SFXN3: variants seen among roughly 807,000 people sequenced by gnomAD.
SFXN3 encodes sideroflexin 3.
A neutral mutation model predicts 40.4 loss-of-function variants in SFXN3; 31 were observed. That is an observed-to-expected ratio of 0.77 (90% confidence interval 0.58 to 1.04). The LOEUF (loss-of-function observed/expected upper bound fraction) is 1.04, where lower values mean the gene tolerates loss of function less well. Among genes scored for constraint, SFXN3 ranks in the 50% least tolerant of loss-of-function variants. The pLI is 0.00. For missense variants in SFXN3, 366 were observed against 408.2 expected (o/e 0.90, Z 0.89); for synonymous variants, 157 against 160.0 (o/e 0.98, Z 0.14).
chr10:101,037,661 G>A, intron 9 of SFXN3: 7 of 1,428,936 alleles, frequency 4.9e-6, no homozygotes, highest in South Asian at 1.5e-5. Flanking sequence ...AACTTCATCA[G>A]TGTTACTCCA....
Position 101,035,618 on chromosome 10 carries a change from C to T in SFXN3, c.283C>T (p.Gln95Ter). Residue 95 changes from glutamine (Q) to a stop codon, truncating the protein, a stop_gained, in exon 4 of 12, where the codon CAG (glutamine) becomes TAG (stop). Coordinates refer to ENST00000393459, the Ensembl canonical transcript of SFXN3. LOFTEE classifies it high-confidence loss of function. Reference sequence around the variant, plus strand: ...GGTCCTGATTGGCCGCATGTCAGCCCAGGTGCCCATGAACATGACCATCAC... The same window carrying T: ...GGTCCTGATTGGCCGCATGTCAGCCTAGGTGCCCATGAACATGACCATCAC... The T allele has an allele frequency of 6.2e-7, 1 of 1,614,036 alleles. No individual in the cohort carries two copies. Among genetic ancestry groups the T allele is most frequent in the Non-Finnish European group, 8.5e-7 (1 of 1,179,934 alleles).
At chr10:101,040,178 A>C (rs1304140647) in exon 12 of SFXN3, 1 of 157,040 alleles carries the variant, frequency 6.4e-6, no homozygotes, top group African/African-American at 2.4e-5. Flanking sequence ...GGACTTATGC[A>C]TCCCTCAGTG....
At chr10:101,038,489 G>A (rs926212442) in intron 9 of SFXN3, 154 bp from the exon 10 acceptor site, 73 of 1,500,090 alleles carry the variant, frequency 4.9e-5, no homozygotes, top group Non-Finnish European at 6.2e-5. Flanking sequence ...TGATCTGGAG[G>A]TCCCAGCCCT....
At chr10:101,037,859 T>C in intron 9 of SFXN3, 3 of 1,063,286 alleles carry the variant, frequency 2.8e-6, no homozygotes, top group Non-Finnish European at 3.4e-6. Context: ...TATTCACAAA[T>C]GTATTGAGTG....
In SFXN3 at chr10:101,039,271, A is replaced by T. The variant is rs1287398881; in HGVS notation, c.869+49A>T. The stretch of plus-strand genomic sequence containing the variant: ...TGGGGGACTCTGGATTGGACTCTGC[A>T]TCTCTGGACCAGCTGACCTAGGGTC... On this transcript the variant is annotated intron_variant, in intron 11 of 11. Transcript: ENST00000393459. This position sits in a 1 kb window ranked among gnomAD's most constrained non-coding sequence, Gnocchi z 4.6. 1.3e-6 allele frequency: 2 copies of T among 1,529,596 alleles called. No individual in the cohort carries two copies. The highest frequency in any genetic ancestry group is 2.2e-5 in the East Asian group (1 of 44,564). 94.8% of individuals were successfully genotyped at this position (1,529,596 alleles called of 1,614,324 possible). A position where few individuals can be genotyped will look rare whatever the true frequency, so the allele number is the denominator to read the frequency against.
chr10:101,036,819 C>G lies in SFXN3; in HGVS notation c.593+11C>G. ...CCTGATGAGGCAGAGGTGAGTGACC[C>G]CGGCTCCTGGCATGTGCATGCCCAG... On this transcript the variant is annotated intron_variant, in intron 7 of 11. Coordinates refer to ENST00000393459, the Ensembl canonical transcript of SFXN3. The surrounding 1 kb of genome is among the most constrained non-coding windows in gnomAD (Gnocchi z 4.2). 6.2e-7 allele frequency: 1 copy of G among 1,612,290 alleles called. No individual in the cohort carries two copies. Among genetic ancestry groups the G allele is most frequent in the South Asian group, 1.1e-5 (1 of 91,006 alleles).
exon 9 of SFXN3, chr10:101,037,414 A>C: frequency 6.2e-7 from 1 of 1,614,090 alleles, no homozygotes; most frequent in Non-Finnish European, 8.5e-7. Flanking sequence ...CACTCTGGAG[A>C]AGAAAGACTT....
At chr10:101,032,752 T>A (rs935732059) in intron 2 of SFXN3, among the ~76,000 whole-genome samples, 1 of 152,186 alleles carries the variant, frequency 6.6e-6, no homozygotes, top group African/African-American at 2.4e-5. Context: ...TCTGTATGTC[T>A]GGGCAGGGTG....
Position 101,036,088 on chromosome 10 carries a change from C to A in SFXN3, c.418C>A (p.Pro140Thr), listed in dbSNP as rs1564649524. The A allele has an allele frequency of 6.2e-7, 1 of 1,613,236 alleles. No individual in the cohort carries two copies. Among genetic ancestry groups the A allele is most frequent in the Non-Finnish European group, 8.5e-7 (1 of 1,179,344 alleles). The change falls in exon 5 of 12, where the codon CCC (proline) becomes ACC (threonine). Residue 140 changes from proline to threonine, a missense_variant. By Grantham distance (38) the Pro-to-Thr change is conservative. Transcript: ENST00000393459. The surrounding 1 kb of genome is among the most constrained non-coding windows in gnomAD (Gnocchi z 4.2). ...CTACTCCAACCGCAGTGGTGACACT[C>A]CCATCACTGTGAGGTGAGAGCCAGC... is the stretch of plus-strand genomic sequence containing the variant.
exon 4 of SFXN3, chr10:101,035,500 C>T (rs766875472): frequency 3.7e-5 from 59 of 1,600,756 alleles, no homozygotes; most frequent in Middle Eastern, 2.0e-4. Flanking sequence ...TCTGCAGGGC[C>T]GGCGTGGTGA....
Position 101,036,741 on chromosome 10 carries a change from G to A in SFXN3, c.526G>A (p.Gly176Ser), listed in dbSNP as rs367635702. The A allele has an allele frequency of 1.6e-5, 25 of 1,611,718 alleles. No homozygotes were observed. In the East Asian group the frequency reaches 2.2e-4, roughly 14 times the overall value. Residue 176 changes from glycine to serine, a missense_variant, in exon 7 of 12, where the codon GGC becomes AGC. Gly to Ser is a moderately conservative substitution (Grantham distance 56, BLOSUM62 0). Transcript: ENST00000393459. This position sits in a 1 kb window ranked among gnomAD's most constrained non-coding sequence, Gnocchi z 4.2. The stretch of plus-strand genomic sequence containing the variant: ...TCCCCAGCACCTGCCCCCCTTGGTC[G>A]GCAGATTTGTGCCCTTTGCAGCAGT...
rs531608783 is a variant in SFXN3, at chr10:101,038,623, GTCTT to G, written c.772-16_772-13del. 63 of 1,613,938 alleles carry G rather than the reference GTCTT, an allele frequency of 3.9e-5. No homozygotes were observed. Among genetic ancestry groups the G allele is most frequent in the Non-Finnish European group, 4.8e-5 (57 of 1,180,006 alleles). On this transcript the variant is annotated splice_polypyrimidine_tract_variant and intron_variant, in intron 9 of 11. Coordinates refer to ENST00000393459, the Ensembl canonical transcript of SFXN3. ...GGCAGGGGACACAAGCCGTTCCATT[GTCTT>G]TCTGTCTCTCCACAGCGCCGCCCCT... is the stretch of plus-strand genomic sequence containing the variant.
exon 12 of SFXN3, chr10:101,040,751 T>C (rs1938860958): frequency 6.6e-6 from 1 of 152,104 alleles, no homozygotes; most frequent in African/African-American, 2.4e-5. Context: ...TCTTGCTAGT[T>C]TTGTATTTTT....
In SFXN3 at chr10:101,037,146, A is replaced by G. The variant is rs200728595; in HGVS notation, c.664A>G (p.Lys222Glu). ...GCTTGGCTACTCGGTGACTGCAGCCAAGCAGGGAATCTTCCAGGTGGTGAT... is the reference window on the plus strand; with the variant it reads ...GCTTGGCTACTCGGTGACTGCAGCCGAGCAGGGAATCTTCCAGGTGGTGAT... The change falls in exon 8 of 12, where the codon AAG becomes GAG. Residue 222 changes from lysine (K) to glutamate (E), a missense_variant. Lys to Glu is a moderately conservative substitution (Grantham distance 56). Transcript: ENST00000393459. 2.0e-5 allele frequency: 33 copies of G among 1,613,968 alleles called. No individual in the cohort carries two copies. The highest frequency in any genetic ancestry group is 3.3e-4 in the Middle Eastern group (2 of 6,062).
rs756742034 is a variant in SFXN3 at position 101,037,215 on chromosome 10, G to A, written c.721+12G>A. On this transcript the variant is annotated intron_variant, in intron 8 of 11. Coordinates refer to ENST00000393459, the Ensembl canonical transcript of SFXN3. ...GATTCCTGCCATGGGTAAGGCGGGAGTGGCTGGGTGGGGCATAGGAGACTC... is the reference window on the plus strand; with the variant it reads ...GATTCCTGCCATGGGTAAGGCGGGAATGGCTGGGTGGGGCATAGGAGACTC... The A allele has an allele frequency of 2.2e-5, 35 of 1,613,816 alleles. No homozygotes were observed. The highest frequency in any genetic ancestry group is 3.0e-5 in the Non-Finnish European group (35 of 1,180,044).
Position 101,036,996 on chromosome 10 carries a change from C to A in SFXN3, c.594-80C>A. The A allele has an allele frequency of 6.3e-7, 1 of 1,578,978 alleles. No individual in the cohort carries two copies. The highest frequency in any genetic ancestry group is 1.8e-5 in the Admixed American group (1 of 55,896). The stretch of plus-strand genomic sequence containing the variant: ...TTGAGCCTGGGGTGTGTGAGGGGAC[C>A]CTGAGGAGCCGCTGCTCATTCGGGC... On this transcript the variant is annotated intron_variant, in intron 7 of 11. Coordinates refer to ENST00000393459, the Ensembl canonical transcript of SFXN3. The surrounding 1 kb of genome is among the most constrained non-coding windows in gnomAD (Gnocchi z 4.2).
At position 101,039,672 on chromosome 10, in the gene SFXN3, T is replaced by A; in HGVS notation, c.*87T>A. The A allele has an allele frequency of 1.5e-6, 2 of 1,324,234 alleles. No individual in the cohort carries two copies. Among genetic ancestry groups the A allele is most frequent in the South Asian group, 1.2e-5 (1 of 84,510 alleles). 82.0% of individuals were successfully genotyped at this position (1,324,234 alleles called of 1,614,324 possible). A position where few individuals can be genotyped will look rare whatever the true frequency, so the allele number is the denominator to read the frequency against. ...CACCCCTACCACTTGGCTATCTGCC[T>A]AGCACTGGGCAGGGGCCTTGGTGGG... is the stretch of plus-strand genomic sequence containing the variant. On this transcript the variant is annotated 3_prime_UTR_variant, in exon 12 of 12. Coordinates refer to ENST00000393459, the Ensembl canonical transcript of SFXN3. This position sits in a 1 kb window ranked among gnomAD's most constrained non-coding sequence, Gnocchi z 4.6.
exon 8 of SFXN3, chr10:101,037,188 G>T: frequency 6.2e-7 from 1 of 1,613,916 alleles, no homozygotes; most frequent in South Asian, 1.1e-5. Flanking sequence ...AATCTGCATG[G>T]CGATTCCTGC....
chr10:101,039,782 C>T lies in SFXN3; in HGVS notation c.*197C>T. 1.7e-6 allele frequency: 1 copy of T among 604,058 alleles called. No homozygotes were observed. The highest frequency in any genetic ancestry group is 3.0e-6 in the Non-Finnish European group (1 of 337,314). The allele number at this position is 604,058 out of a possible 1,614,324, so 37.4% of individuals were successfully genotyped here. A position where few individuals can be genotyped will look rare whatever the true frequency, so the allele number is the denominator to read the frequency against. On this transcript the variant is annotated 3_prime_UTR_variant, in exon 12 of 12. Transcript: ENST00000393459. The surrounding 1 kb of genome is among the most constrained non-coding windows in gnomAD (Gnocchi z 4.6). ...TCCTCCCTTCTCTGGTTTCAAAGAT[C>T]AGAGCACATAACCCCTCCTGTGCTT...
Sources: allele counts gnomAD v4.1 joint callset (sites outside exome capture counted in the v4.1 genomes callset), GRCh38; gene constraint gnomAD v4.1.1; non-coding constraint Gnocchi (gnomAD v3.1); transcripts MANE v1.5; gene names NCBI Gene and HGNC (gene_info 2026-07-23, HGNC 2026-07-21).